PAN3: variants seen among roughly 807,000 people sequenced by gnomAD.
The protein encoded by PAN3 is PAN2-PAN3 deadenylation complex subunit PAN3.
A neutral mutation model predicts 96.2 loss-of-function variants in PAN3; 19 were observed. That is an observed-to-expected ratio of 0.20 (90% CI 0.14 to 0.29). The LOEUF (loss-of-function observed/expected upper bound fraction) is 0.29, where lower values mean the gene tolerates loss of function less well. PAN3 is among the 10% of genes least tolerant of loss of function. The probability of loss-of-function intolerance (pLI) is 1.00; values close to 1 mark genes in which losing one functional copy is unlikely to be tolerated. For synonymous variants in PAN3, 433 were observed against 406.6 expected, an observed-to-expected ratio of 1.06 and a Z score of -0.78; for missense variants, 882 against 1,108.1, an observed-to-expected ratio of 0.80 and a Z score of 2.90.
intron 6 of PAN3, among the ~76,000 whole-genome samples, chr13:28,247,423 A>G (rs1344689036): frequency 6.6e-6 from 1 of 152,000 alleles, no homozygotes; most frequent in Admixed American, 6.6e-5. Context: ...TGCGGTGCAG[A>G]TACTTTTTAG....
chr13:28,149,624 CTT>C (rs1281049703), intron 1 of PAN3, among the ~76,000 whole-genome samples: 1 of 151,042 alleles, frequency 6.6e-6, no homozygotes, highest in Non-Finnish European at 1.5e-5. Context: ...GTTTGTTTTG[CTT>C]TGTTTTTAGA....
intron 8 of PAN3, among the ~76,000 whole-genome samples, chr13:28,261,117 A>T (rs559354243): frequency 3.3e-5 from 5 of 152,264 alleles, no homozygotes; most frequent in African/African-American, 9.6e-5. Context: ...GTAGACCTTG[A>T]ATTTTCAGCC....
intron 1 of PAN3, among the ~76,000 whole-genome samples, chr13:28,148,998 T>C (rs1441022929): frequency 2.6e-5 from 4 of 152,186 alleles, no homozygotes; most frequent in South Asian, 2.1e-4. Context: ...TACACAATTA[T>C]GTGATATATA....
chr13:28,142,840 C>T (rs371893098), intron 1 of PAN3, among the ~76,000 whole-genome samples: 16 of 152,278 alleles, frequency 1.1e-4, no homozygotes, highest in African/African-American at 3.9e-4. Context: ...ATAATTCTCT[C>T]CATTTTGACT....
chr13:28,188,959 G>C (rs563598616), intron 4 of PAN3, among the ~76,000 whole-genome samples: 3 of 152,198 alleles, frequency 2.0e-5, no homozygotes, highest in South Asian at 2.1e-4. Flanking sequence ...GAAGAGAATA[G>C]ATCTTCTTGA....
At chr13:28,248,665 C>T (rs763184253) in intron 6 of PAN3, among the ~76,000 whole-genome samples, 4 of 152,132 alleles carry the variant, frequency 2.6e-5, no homozygotes, top group Admixed American at 6.5e-5. Flanking sequence ...GCTGGGACTA[C>T]AGGCGCATAC....
intron 18 of PAN3, among the ~76,000 whole-genome samples, chr13:28,291,409 A>G (rs575140562): frequency 7.2e-5 from 11 of 152,354 alleles, no homozygotes; most frequent in African/African-American, 2.6e-4. Context: ...AAGATCATAT[A>G]CTAGCATTTA....
At chr13:28,181,976 A>T (rs1875850672) in intron 4 of PAN3, among the ~76,000 whole-genome samples, 1 of 152,244 alleles carries the variant, frequency 6.6e-6, no homozygotes, top group African/African-American at 2.4e-5. Context: ...ACAAGAGATT[A>T]TTACATGAGT....
At position 28,225,282 on chromosome 13, in the gene PAN3, T is replaced by C. The variant is rs1034608675; in HGVS notation, c.1000+4904T>C. Among the ~76,000 whole-genome samples the C allele has an allele frequency of 2.0e-5, 3 of 152,176 alleles. No homozygotes were observed. In the East Asian group the frequency reaches 5.8e-4, roughly 29 times the overall value. On this transcript the variant is annotated intron_variant, in intron 6 of 18. Transcript: ENST00000380958. ...TCTTGTTCAGAAATATCAAAACTTT[T>C]TATGAACGTTGTAGACTAAAAATAG...
At chr13:28,204,742 CATA>C (rs1393654076) in intron 5 of PAN3, among the ~76,000 whole-genome samples, 1 of 152,122 alleles carries the variant, frequency 6.6e-6, no homozygotes. Context: ...GTAAATTTCT[CATA>C]ATATTGCAGG....
chr13:28,229,659 G>A (rs1281092755), intron 6 of PAN3, among the ~76,000 whole-genome samples: 1 of 152,190 alleles, frequency 6.6e-6, no homozygotes, highest in Admixed American at 6.5e-5. Context: ...TGAAAGTAGT[G>A]CCTTGAATGG....
intron 15 of PAN3, among the ~76,000 whole-genome samples, chr13:28,280,060 A>G (rs1240435690): frequency 1.6e-4 from 25 of 152,098 alleles, no homozygotes; most frequent in Admixed American, 1.6e-3. Context: ...TGCTGGGATT[A>G]CAAGTGTGAA....
At chr13:28,261,709 G>C (rs142607375) in intron 9 of PAN3, among the ~76,000 whole-genome samples, 118 of 151,564 alleles carry the variant, frequency 7.8e-4, no homozygotes, top group African/African-American at 2.6e-3. Context: ...CATATTTGTA[G>C]TCCCAGCTAC....
At chr13:28,197,650 G>A (rs1878220293) in intron 5 of PAN3, among the ~76,000 whole-genome samples, 2 of 151,918 alleles carry the variant, frequency 1.3e-5, no homozygotes, top group South Asian at 4.2e-4. Context: ...TTACCTCACT[G>A]TAACCTCCAC....
At chr13:28,244,063 A>G (rs868749509) in intron 6 of PAN3, among the ~76,000 whole-genome samples, 1 of 152,140 alleles carries the variant, frequency 6.6e-6, no homozygotes, top group East Asian at 1.9e-4. Context: ...GCATCTTTTT[A>G]TGTTCGAGGC....
chr13:28,271,951 TA>T (rs777033225), intron 13 of PAN3, 29 bp from the exon 14 acceptor site: 1 of 1,419,288 alleles, frequency 7.0e-7, no homozygotes, highest in Non-Finnish European at 9.6e-7. Context: ...TTATTTTAAT[TA>T]TTTTCTTTAA....
At chr13:28,144,359 C>A (rs1036021000) in intron 1 of PAN3, among the ~76,000 whole-genome samples, 2 of 151,606 alleles carry the variant, frequency 1.3e-5, no homozygotes, top group Non-Finnish European at 2.9e-5. Flanking sequence ...GGACTACAGG[C>A]GCCCGCCACC....
chr13:28,208,437 G>T (rs1433106313), intron 5 of PAN3, among the ~76,000 whole-genome samples: 1 of 152,084 alleles, frequency 6.6e-6, no homozygotes, highest in Admixed American at 6.6e-5. Flanking sequence ...TACTGTTATT[G>T]GAGCACTTTT....
chr13:28,211,038 C>T (rs981020791), intron 5 of PAN3, among the ~76,000 whole-genome samples: 3 of 151,982 alleles, frequency 2.0e-5, no homozygotes, highest in Non-Finnish European at 4.4e-5. Flanking sequence ...ACCACAGGTG[C>T]GTACCACCAC....
Sources: gnomAD v4.1 joint callset for allele counts (sites outside exome capture counted in the v4.1 genomes callset) on GRCh38, gnomAD v4.1.1 for gene constraint, MANE v1.5 for transcripts, NCBI Gene and HGNC (gene_info 2026-07-23, HGNC 2026-07-21) for gene names.